Variants in DST observed in about 807,000 individuals in gnomAD.
DST encodes dystonin, also known as bullous pemphigoid antigen.
Under a neutral mutation model 875.2 loss-of-function variants are expected in DST, and 253 were observed. The ratio of observed to expected loss-of-function variants is 0.29; its 90% CI spans 0.26 to 0.32. The LOEUF is 0.32. DST is among the 10% of genes least tolerant of loss of function. The pLI, the probability that DST is intolerant of heterozygous loss-of-function variation, is 1.00. For missense variants in DST, 8,287 were observed against 9,111.6 expected, an observed-to-expected ratio of 0.91 and a Z score of 3.68; for synonymous variants, 3,124 against 3,197.1, an observed-to-expected ratio of 0.98 and a Z score of 0.77.
rs1299512326 is a variant in DST, at chr6:56,641,324, T to C, written c.2027+623A>G. 2.6e-5 allele frequency among the ~76,000 whole-genome samples: 4 copies of C among 152,308 alleles called. No homozygotes were observed. In the East Asian group the frequency reaches 7.7e-4, roughly 29 times the overall value. On this transcript the variant is annotated intron_variant, in intron 17 of 103. Coordinates refer to ENST00000680361, the MANE Select transcript of DST (RefSeq NM_001374736.1). ...CTTTTTGGCCAGGCATGGTGGCTCA[T>C]GCCTATAATCACAGCATTTTGGGAG... is the stretch of plus-strand genomic sequence containing the variant.
chr6:56,844,966 C>T (rs1411374674), intron 4 of DST, among the ~76,000 whole-genome samples: 4 of 151,988 alleles, frequency 2.6e-5, no homozygotes, highest in Admixed American at 6.5e-5. Context: ...CTCTGAGACT[C>T]TCTTCATCAG....
intron 5 of DST, among the ~76,000 whole-genome samples, chr6:56,729,562 G>A (rs533346772): frequency 6.8e-6 from 1 of 146,342 alleles, no homozygotes; most frequent in Non-Finnish European, 1.5e-5. Flanking sequence ...AGCCGAGATC[G>A]CACCATTGCA....
intron 4 of DST, chr6:56,843,669 C>T (rs2099803415): frequency 4.1e-6 from 4 of 982,548 alleles, no homozygotes; most frequent in African/African-American, 1.8e-5. Context: ...GCCGCCGCGC[C>T]GCAGACACTC....
At chr6:56,940,640 C>T (rs988585383) in intron 2 of DST, among the ~76,000 whole-genome samples, 6 of 151,770 alleles carry the variant, frequency 4.0e-5, no homozygotes, top group East Asian at 1.9e-4. Flanking sequence ...AGTGCAGTGG[C>T]GCAATCACAG....
intron 4 of DST, among the ~76,000 whole-genome samples, chr6:56,824,973 C>G (rs1252077922): frequency 6.6e-6 from 1 of 152,150 alleles, no homozygotes; most frequent in Non-Finnish European, 1.5e-5. Flanking sequence ...CCCCTCTGCC[C>G]GGCCACCACC....
chr6:56,532,575 A>G, intron 63 of DST, 65 bp from the exon 64 acceptor site: 1 of 1,406,978 alleles, frequency 7.1e-7, no homozygotes, highest in Non-Finnish European at 9.6e-7. Context: ...AGTACAATGT[A>G]TTCTAAGTAC....
chr6:56,812,434 CT>C, intron 4 of DST, among the ~76,000 whole-genome samples: 1 of 152,054 alleles, frequency 6.6e-6, no homozygotes, highest in East Asian at 1.9e-4. Context: ...AGAAAAACAT[CT>C]AAAAAGAGTA....
chr6:56,603,436 T>A lies in DST; in HGVS notation c.10942-16A>T. ...ATTCAAATGTCTGCAAAGAAATATA[T>A]CCCGGACCTATTTACTATTTAGTGA... On this transcript the variant is annotated splice_polypyrimidine_tract_variant and intron_variant, in intron 41 of 103. Coordinates refer to ENST00000680361, the MANE Select transcript of DST (RefSeq NM_001374736.1). 1 of 1,606,600 alleles carries A rather than the reference T, an allele frequency of 6.2e-7. No individual in the cohort carries two copies. Among genetic ancestry groups the A allele is most frequent in the Non-Finnish European group, 8.5e-7 (1 of 1,177,304 alleles).
intron 5 of DST, among the ~76,000 whole-genome samples, chr6:56,712,857 T>C (rs2099380798): frequency 6.6e-6 from 1 of 152,178 alleles, no homozygotes; most frequent in Admixed American, 6.5e-5. Context: ...AATGTGTATT[T>C]CCTCATCAAA....
chr6:56,824,815 GC>G (rs1026152840), intron 4 of DST, among the ~76,000 whole-genome samples: 3 of 151,196 alleles, frequency 2.0e-5, no homozygotes, highest in African/African-American at 7.3e-5. Context: ...TCCGGCAGCC[GC>G]CCCGTCTGAG....
chr6:56,953,619 G>A (rs942359654), intron 2 of DST, among the ~76,000 whole-genome samples, 166 bp downstream of exon 2: 2 of 152,148 alleles, frequency 1.3e-5, no homozygotes, highest in African/African-American at 4.8e-5. Flanking sequence ...ACCGTTCGCT[G>A]GGCACTAATA....
In DST at chr6:56,461,563, GATTTT is replaced by G. The variant is rs1258157255; in HGVS notation, c.23071-1314_23071-1310del. 7 of 152,260 alleles carry G rather than the reference GATTTT, an allele frequency of 4.6e-5. No homozygotes were observed. In the East Asian group the frequency reaches 1.3e-3, roughly 29 times the overall value. 9.4% of individuals were successfully genotyped at this position (152,260 alleles called of 1,614,324 possible). ...CTTCTCAGAATGCCTTGATTGTTTT[GATTTT>G]ATTTCACAGTCCCTCCCATAGAAAC... is the stretch of plus-strand genomic sequence containing the variant. On this transcript the variant is annotated intron_variant, in intron 102 of 103. Coordinates refer to ENST00000680361, the MANE Select transcript of DST (RefSeq NM_001374736.1).
At chr6:56,542,881 A>C (rs999544117) in intron 61 of DST, 1 of 152,274 alleles carries the variant, frequency 6.6e-6, no homozygotes, top group Non-Finnish European at 1.5e-5. Flanking sequence ...CCCTCCCGTG[A>C]CTTAACTTCG....
chr6:56,510,606 A>C (rs1562465057), intron 73 of DST, among the ~76,000 whole-genome samples: 1 of 152,178 alleles, frequency 6.6e-6, no homozygotes, highest in African/African-American at 2.4e-5. Context: ...CTATGAATGA[A>C]CTTTGTTCTA....
At chr6:56,722,043 T>C (rs1311637303) in intron 5 of DST, among the ~76,000 whole-genome samples, 1 of 152,178 alleles carries the variant, frequency 6.6e-6, no homozygotes, top group African/African-American at 2.4e-5. Flanking sequence ...TTTCATATGG[T>C]ACAAAATATT....
chr6:56,927,034 GA>G (rs1453229605), intron 2 of DST, among the ~76,000 whole-genome samples: 1 of 152,172 alleles, frequency 6.6e-6, no homozygotes, highest in African/African-American at 2.4e-5. Flanking sequence ...GTAAGAGGGA[GA>G]ATTAATTAGA....
rs79967685 is a variant in DST, at chr6:56,520,553, G to T, written c.18130-2933C>A. Reference sequence around the variant, plus strand: ...TTACCACTGGGGAAAACTGAGTAGAGGATACAATGGGATCTCTCTGTATTG... The same window carrying T: ...TTACCACTGGGGAAAACTGAGTAGATGATACAATGGGATCTCTCTGTATTG... On this transcript the variant is annotated intron_variant, in intron 69 of 103. Transcript: ENST00000680361. Among the ~76,000 whole-genome samples the T allele has an allele frequency of 4.4e-3, 675 of 152,012 alleles. 4 individuals are homozygous for T. The highest frequency in any genetic ancestry group is 0.016 in the African/African-American group (647 of 41,438).
Position 56,487,375 on chromosome 6 carries a change from G to A in DST, c.20878-102C>T, listed in dbSNP as rs1006208193. 5 of 1,042,278 alleles carry A rather than the reference G, an allele frequency of 4.8e-6. No individual in the cohort carries two copies. The African/African-American group carries it at 8.0e-5, about 17-fold the overall frequency. The allele number at this position is 1,042,278 out of a possible 1,614,324, so 64.6% of individuals were successfully genotyped here. On this transcript the variant is annotated intron_variant, in intron 86 of 103. Transcript: ENST00000680361. ...CCCTAATAAATGGAGATGAATTATA[G>A]ATGCTTTCTGACTTATAATGACTTG...
At chr6:56,579,530 G>GT (rs921457827) in intron 49 of DST, among the ~76,000 whole-genome samples, 4 of 152,160 alleles carry the variant, frequency 2.6e-5, no homozygotes, top group African/African-American at 9.7e-5. Context: ...AGTGCCACAG[G>GT]TGAGTCTGAA....
Sources: allele counts gnomAD v4.1 joint callset (sites outside exome capture counted in the v4.1 genomes callset), GRCh38; gene constraint gnomAD v4.1.1; transcripts MANE v1.5; gene names NCBI Gene and HGNC (gene_info 2026-07-23, HGNC 2026-07-21).